SLC1A7: variants seen among roughly 807,000 people sequenced by gnomAD.
SLC1A7 encodes solute carrier family 1 member 7.
SLC1A7 carries 40 observed loss-of-function variants against 47.7 expected under a neutral mutation model. The observed-to-expected ratio is 0.84, with a 90% CI of 0.65 to 1.09. The LOEUF is 1.09. Ranked by LOEUF, SLC1A7 falls within the 50% of genes least tolerant of loss-of-function variation. SLC1A7 has a pLI of 0.00. For missense variants in SLC1A7, 746 were observed against 769.5 expected (o/e 0.97, Z 0.36); for synonymous variants, 323 against 325.6 (o/e 0.99, Z 0.09).
chr1:53,090,947 G>C, intron 7 of SLC1A7, 141 bp from the exon 8 acceptor site: 1 of 1,528,378 alleles, frequency 6.5e-7, no homozygotes, highest in Non-Finnish European at 8.8e-7. Flanking sequence ...CAGGAGGTAA[G>C]GACCGCGGGC....
At chr1:53,133,731 G>C (rs1005495796) in intron 2 of SLC1A7, among the ~76,000 whole-genome samples, 2 of 152,140 alleles carry the variant, frequency 1.3e-5, no homozygotes, top group East Asian at 3.9e-4. Context: ...TACTGGGTAA[G>C]GTCTGAATTC....
intron 8 of SLC1A7, chr1:53,090,312 G>A (rs1029448309): frequency 1.9e-6 from 1 of 540,502 alleles, no homozygotes; most frequent in Non-Finnish European, 3.3e-6. Flanking sequence ...GCTTGGCTGG[G>A]CTGTGAGGCC....
intron 2 of SLC1A7, among the ~76,000 whole-genome samples, chr1:53,124,455 AG>A (rs1041400811): frequency 6.6e-6 from 1 of 152,190 alleles, no homozygotes; most frequent in African/African-American, 2.4e-5. Flanking sequence ...AGGGGAGAGA[AG>A]GGTTTGGCAA....
At chr1:53,105,895 C>A in intron 3 of SLC1A7, 121 bp from the exon 4 acceptor site, 1 of 761,002 alleles carries the variant, frequency 1.3e-6, no homozygotes, top group Non-Finnish European at 2.3e-6. Flanking sequence ...AGGCCAGCCT[C>A]CTCTGCAGTC....
In SLC1A7 at chr1:53,114,811, C is replaced by T; in HGVS notation, c.378G>A (p.Glu126=). ...AGCTCATGATGGGCTTCCCACTCTG[C>T]TCCGTGGTCTCCTTCTGGGCCGCGC... ...PGSAAQKETT[E]QSGKPIMSSA... is the part of the protein sequence containing the mutation. Residue 126 remains glutamate, a synonymous_variant, in exon 3 of 11, where the codon GAG becomes GAA. Coordinates refer to ENST00000371494, the MANE Select transcript of SLC1A7 (RefSeq NM_006671.6). 1 of 1,614,204 alleles carries T rather than the reference C, an allele frequency of 6.2e-7. No homozygotes were observed. The highest frequency in any genetic ancestry group is 1.1e-5 in the South Asian group (1 of 91,068).
intron 4 of SLC1A7, among the ~76,000 whole-genome samples, chr1:53,104,015 T>G (rs1644612802): frequency 6.6e-6 from 1 of 152,172 alleles, no homozygotes; most frequent in Admixed American, 6.5e-5. Flanking sequence ...CAAGCCTTGT[T>G]AATGAGATGA....
chr1:53,140,474 A>C (rs566488768), intron 1 of SLC1A7, among the ~76,000 whole-genome samples: 9 of 152,144 alleles, frequency 5.9e-5, no homozygotes, highest in South Asian at 2.1e-4. Flanking sequence ...GTTAAAAAAA[A>C]AAACAAACCC....
At chr1:53,130,428 G>A (rs944913399) in intron 2 of SLC1A7, among the ~76,000 whole-genome samples, 1 of 152,040 alleles carries the variant, frequency 6.6e-6, no homozygotes, top group African/African-American at 2.4e-5. Flanking sequence ...GCCAGGCTTC[G>A]AGGCCCAGAC....
rs548161531 is a variant in SLC1A7, at chr1:53,131,150, G to A, written c.215+3200C>T. Among the ~76,000 whole-genome samples the A allele has an allele frequency of 3.9e-5, 6 of 152,290 alleles. No homozygotes were observed. The South Asian group carries it at 1.2e-3, about 32-fold the overall frequency. The stretch of plus-strand genomic sequence containing the variant: ...TAATATCACATGCATTTCCAGCCAA[G>A]AGAACACTGAGTCTGGTGGAGGGAG... On this transcript the variant is annotated intron_variant, in intron 2 of 10. Transcript: ENST00000371494.
At chr1:53,094,609 A>C (rs1215198242) in intron 5 of SLC1A7, among the ~76,000 whole-genome samples, 1 of 152,146 alleles carries the variant, frequency 6.6e-6, no homozygotes, top group Non-Finnish European at 1.5e-5. Flanking sequence ...TGACGGAGTG[A>C]GGTGAGGGCC....
Position 53,128,847 on chromosome 1 carries a change from A to G in SLC1A7, c.215+5503T>C, listed in dbSNP as rs947312738. Among the ~76,000 whole-genome samples the G allele has an allele frequency of 2.8e-5, 4 of 142,358 alleles. No homozygotes were observed. In the Admixed American group the frequency reaches 2.8e-4, roughly 10 times the overall value. The allele number at this position is 142,358 out of a possible 152,430, so 93.4% of individuals were successfully genotyped here. A position where few individuals can be genotyped will look rare whatever the true frequency, so the allele number is the denominator to read the frequency against. On this transcript the variant is annotated intron_variant, in intron 2 of 10. Transcript: ENST00000371494. The stretch of plus-strand genomic sequence containing the variant: ...CGGGCTGGGGGAGCATTCATGACAC[A>G]TCTGAGGAGCCTGGTGATGCTTTAA...
intron 5 of SLC1A7, among the ~76,000 whole-genome samples, chr1:53,097,252 T>G (rs1284361239): frequency 1.1e-5 from 1 of 92,752 alleles, no homozygotes; most frequent in Non-Finnish European, 2.4e-5. Flanking sequence ...ACTCATTTTT[T>G]CTCGGTACAC....
In SLC1A7 at chr1:53,142,611, CT is replaced by C; in HGVS notation, c.-163del. The C allele has an allele frequency of 1.4e-6, 1 of 695,608 alleles. No individual in the cohort carries two copies. 43.1% of individuals were successfully genotyped at this position (695,608 alleles called of 1,614,324 possible). A position where few individuals can be genotyped will look rare whatever the true frequency, so the allele number is the denominator to read the frequency against. ...CCCACGGCCATGCCCGTGTGGCCGC[CT>C]TAGAGGGAAGCCACAATCCTATTAC... is the stretch of plus-strand genomic sequence containing the variant. On this transcript the variant is annotated 5_prime_UTR_variant, in exon 1 of 11. Coordinates refer to ENST00000371494, the MANE Select transcript of SLC1A7 (RefSeq NM_006671.6).
chr1:53,101,543 C>T (rs1438661789), intron 5 of SLC1A7, among the ~76,000 whole-genome samples: 1 of 150,556 alleles, frequency 6.6e-6, no homozygotes, highest in Non-Finnish European at 1.5e-5. Context: ...TCGTCACACT[C>T]ACTCACCCTG....
intron 7 of SLC1A7, 148 bp from the exon 8 acceptor site, chr1:53,090,954 G>C: frequency 6.6e-7 from 1 of 1,521,010 alleles, no homozygotes; most frequent in African/African-American, 1.4e-5. Context: ...TAAGGACCGC[G>C]GGCACTGCAG....
intron 3 of SLC1A7, among the ~76,000 whole-genome samples, chr1:53,109,736 C>T (rs950697566): frequency 6.6e-6 from 1 of 152,182 alleles, no homozygotes; most frequent in African/African-American, 2.4e-5. Flanking sequence ...CCAGTGTCCC[C>T]ATCTCCTTCA....
chr1:53,107,770 T>C (rs1464548836), intron 3 of SLC1A7, among the ~76,000 whole-genome samples: 2 of 152,198 alleles, frequency 1.3e-5, no homozygotes, highest in Non-Finnish European at 2.9e-5. Context: ...TGTTCACTGT[T>C]GTGTCTCCAG....
chr1:53,120,507 CTCG>C (rs905933367), intron 2 of SLC1A7, among the ~76,000 whole-genome samples: 3 of 152,194 alleles, frequency 2.0e-5, no homozygotes, highest in African/African-American at 7.2e-5. Context: ...CGCTCTCCTC[CTCG>C]TCCACTCTGC....
chr1:53,136,682 T>TGAGACAAGGTCTCATTCTG (rs1296328894), intron 1 of SLC1A7, among the ~76,000 whole-genome samples: 1 of 139,424 alleles, frequency 7.2e-6, no homozygotes, highest in Non-Finnish European at 1.5e-5. Flanking sequence ...TTTTTTTTTT[T>TGAGACAAGGTCTCATTCTG]TTGAGACAAG....
Sources: gnomAD v4.1 joint callset for allele counts (sites outside exome capture counted in the v4.1 genomes callset) on GRCh38, gnomAD v4.1.1 for gene constraint, MANE v1.5 for transcripts, NCBI Gene and HGNC (gene_info 2026-07-23, HGNC 2026-07-21) for gene names.